ALDH1L2: variants seen among roughly 807,000 people sequenced by gnomAD.
The protein encoded by ALDH1L2 is mitochondrial 10-formyltetrahydrofolate dehydrogenase.
A neutral mutation model predicts 111.0 loss-of-function variants in ALDH1L2; 91 were observed. The observed-to-expected ratio is 0.82, with a 90% CI of 0.69 to 0.98. The LOEUF is 0.98. Ranked by LOEUF, ALDH1L2 falls within the 50% of genes least tolerant of loss-of-function variation. The pLI, the probability that ALDH1L2 is intolerant of heterozygous loss-of-function variation, is 0.00. For synonymous variants in ALDH1L2, 374 were observed against 392.6 expected (o/e 0.95, Z 0.56); for missense variants, 995 against 1,126.8 (o/e 0.88, Z 1.67).
chr12:105,025,999 A>G (rs904876632), intron 22 of ALDH1L2, among the ~76,000 whole-genome samples: 1 of 152,228 alleles, frequency 6.6e-6, no homozygotes, highest in Non-Finnish European at 1.5e-5. Context: ...CTATTGCTTG[A>G]AAGGTGTTAG....
In ALDH1L2 at chr12:105,026,862, ATGTTTTTGTTGTTGT is replaced by A. The variant is rs1026312569; in HGVS notation, c.2517-133_2517-119del. ...GAAAACATTACTGCCATCTGCTTAAATGTTTTTGTTGTTGTTGTTTTTTAGAGGCCAGGCATTGCT... is the reference window on the plus strand; with the variant it reads ...GAAAACATTACTGCCATCTGCTTAAATGTTTTTTAGAGGCCAGGCATTGCT... On this transcript the variant is annotated intron_variant, in intron 21 of 22. Coordinates refer to ENST00000258494, the MANE Select transcript of ALDH1L2 (RefSeq NM_001034173.4). The A allele has an allele frequency of 7.1e-6, 9 of 1,274,936 alleles. No homozygotes were observed. The African/African-American group carries it at 1.3e-4, about 19-fold the overall frequency. 79.0% of individuals were successfully genotyped at this position (1,274,936 alleles called of 1,614,324 possible).
At chr12:105,080,896 A>G (rs527361518) in intron 1 of ALDH1L2, among the ~76,000 whole-genome samples, 110 of 152,288 alleles carry the variant, frequency 7.2e-4, no homozygotes, top group Middle Eastern at 3.4e-3. Flanking sequence ...CGCCCTCTGT[A>G]TTTGTGGGTT....
At chr12:105,060,169 G>T (rs549810068) in intron 9 of ALDH1L2, among the ~76,000 whole-genome samples, 1 of 151,836 alleles carries the variant, frequency 6.6e-6, no homozygotes, top group Non-Finnish European at 1.5e-5. Context: ...TAATTTATGG[G>T]GGGGGCGAGG....
At chr12:105,076,377 G>A (rs1462661489) in intron 1 of ALDH1L2, among the ~76,000 whole-genome samples, 1 of 152,202 alleles carries the variant, frequency 6.6e-6, no homozygotes, top group Non-Finnish European at 1.5e-5. Context: ...TTTGGGCCAA[G>A]TATTTCACAT....
intron 9 of ALDH1L2, among the ~76,000 whole-genome samples, chr12:105,059,827 G>A (rs1435218748): frequency 6.6e-6 from 1 of 152,296 alleles, no homozygotes; most frequent in Admixed American, 6.5e-5. Flanking sequence ...ATCAAGAGGA[G>A]GAACATTTTT....
chr12:105,079,905 C>T (rs1878257811), intron 1 of ALDH1L2, among the ~76,000 whole-genome samples: 1 of 152,072 alleles, frequency 6.6e-6, no homozygotes, highest in Non-Finnish European at 1.5e-5. Context: ...TTTGTATTTC[C>T]AAAAATAATT....
intron 9 of ALDH1L2, among the ~76,000 whole-genome samples, chr12:105,059,402 A>G (rs1431426161): frequency 6.6e-6 from 1 of 151,582 alleles, no homozygotes; most frequent in African/African-American, 2.4e-5. Flanking sequence ...AAGGATGGCT[A>G]TCCCAGGAGT....
At chr12:105,033,972 A>G (rs1190332538) in intron 19 of ALDH1L2, among the ~76,000 whole-genome samples, 1 of 152,224 alleles carries the variant, frequency 6.6e-6, no homozygotes, top group Non-Finnish European at 1.5e-5. Context: ...TAAAAAAATC[A>G]TAAGCACATG....
At chr12:105,066,081 T>C (rs1174893277) in intron 5 of ALDH1L2, among the ~76,000 whole-genome samples, 1 of 152,220 alleles carries the variant, frequency 6.6e-6, no homozygotes, top group East Asian at 1.9e-4. Context: ...CCCAAAGTGC[T>C]GGGATTACAG....
chr12:105,063,248 A>G lies in ALDH1L2; in HGVS notation c.787-226T>C, dbSNP rs1180296406. On this transcript the variant is annotated intron_variant, in intron 6 of 22. Coordinates refer to ENST00000258494, the MANE Select transcript of ALDH1L2 (RefSeq NM_001034173.4). ...TCCCAGCACTTTGGGAGGCAGAGGC[A>G]GGCAGATCACGAGGTCAGGAGATCG... Among the ~76,000 whole-genome samples, 5 of 152,194 alleles carry G rather than the reference A, an allele frequency of 3.3e-5. No individual in the cohort carries two copies. In the East Asian group the frequency reaches 9.6e-4, roughly 29 times the overall value.
At chr12:105,030,551 G>T in intron 20 of ALDH1L2, 122 bp from the exon 21 acceptor site, 1 of 678,446 alleles carries the variant, frequency 1.5e-6, no homozygotes. Context: ...ACCAAGAAGA[G>T]TTGCATTTCT....
chr12:105,083,752 G>A (rs2136121037), intron 1 of ALDH1L2, among the ~76,000 whole-genome samples: 1 of 152,242 alleles, frequency 6.6e-6, no homozygotes, highest in Non-Finnish European at 1.5e-5. Context: ...CCAAGGCGCG[G>A]GGCTGGGCCA....
chr12:105,074,457 C>CAAA (rs1565974203), intron 1 of ALDH1L2, among the ~76,000 whole-genome samples: 1,594 of 91,214 alleles, frequency 0.017, 33 homozygotes, highest in East Asian at 0.029. Flanking sequence ...GACTCTGTCT[C>CAAA]CAAAAAAAAA....
chr12:105,082,004 G>A (rs993541358), intron 1 of ALDH1L2, among the ~76,000 whole-genome samples: 3 of 152,178 alleles, frequency 2.0e-5, no homozygotes, highest in Admixed American at 1.3e-4. Context: ...GACCAGCCTG[G>A]CCAACATGGC....
chr12:105,061,889 C>A, intron 7 of ALDH1L2, 137 bp from the exon 8 acceptor site: 1 of 1,056,064 alleles, frequency 9.5e-7, no homozygotes, highest in Non-Finnish European at 1.3e-6. Flanking sequence ...AAAGCATTCA[C>A]CATTATGTGT....
chr12:105,049,804 G>T, intron 13 of ALDH1L2, 104 bp downstream of exon 13: 2 of 1,304,336 alleles, frequency 1.5e-6, no homozygotes, highest in Non-Finnish European at 2.1e-6. Context: ...CTGTTATGTT[G>T]GTGTAAAAAA....
chr12:105,036,540 A>G (rs867376253), intron 18 of ALDH1L2, among the ~76,000 whole-genome samples: 2 of 42,676 alleles, frequency 4.7e-5, no homozygotes, highest in African/African-American at 2.9e-4. Context: ...ATATATATAT[A>G]TATATATATA....
chr12:105,063,309 T>C (rs559098189), intron 6 of ALDH1L2, among the ~76,000 whole-genome samples: 12 of 152,170 alleles, frequency 7.9e-5, no homozygotes, highest in African/African-American at 2.9e-4. Context: ...ACCCCGTCTC[T>C]ACTAAAAATA....
rs559694757 is a variant in ALDH1L2 at position 105,082,994 on chromosome 12, G to A, written c.48+1395C>T. 2.2e-4 allele frequency among the ~76,000 whole-genome samples: 34 copies of A among 152,250 alleles called. No homozygotes were observed. The South Asian group carries it at 4.8e-3, about 21-fold the overall frequency. On this transcript the variant is annotated intron_variant, in intron 1 of 22. Coordinates refer to ENST00000258494, the MANE Select transcript of ALDH1L2 (RefSeq NM_001034173.4). Reference sequence around the variant, plus strand: ...ACTGCTTTTCCATATGCACCCCTGCGTACAGTTAGACCCTGATCACGCCAG... The same window carrying A: ...ACTGCTTTTCCATATGCACCCCTGCATACAGTTAGACCCTGATCACGCCAG...
Sources: allele counts gnomAD v4.1 joint callset (sites outside exome capture counted in the v4.1 genomes callset), GRCh38; gene constraint gnomAD v4.1.1; transcripts MANE v1.5; gene names NCBI Gene and HGNC (gene_info 2026-07-23, HGNC 2026-07-21).